DPYD: variants seen among roughly 807,000 people sequenced by gnomAD.
DPYD encodes the protein dihydropyrimidine dehydrogenase [NADP(+)].
Under a neutral mutation model 116.2 loss-of-function variants are expected in DPYD, and 109 were observed. The ratio of observed to expected loss-of-function variants is 0.94; its 90% CI spans 0.80 to 1.10. DPYD has a LOEUF of 1.10. DPYD is among the 50% of genes least tolerant of loss of function. The pLI, the probability that DPYD is intolerant of heterozygous loss-of-function variation, is 0.00. For synonymous variants in DPYD, 440 were observed against 432.0 expected (o/e 1.02, Z -0.23); for missense variants, 1,302 against 1,254.5 (o/e 1.04, Z -0.57).
chr1:97,222,802 A>G (rs1029052874), intron 19 of DPYD, among the ~76,000 whole-genome samples: 2 of 152,130 alleles, frequency 1.3e-5, no homozygotes, highest in African/African-American at 4.8e-5. Flanking sequence ...CATAATGGAA[A>G]GAAAAAATAT....
chr1:97,792,326 T>G lies in DPYD; in HGVS notation c.233+35788A>C, dbSNP rs570885821. Among the ~76,000 whole-genome samples the G allele has an allele frequency of 1.2e-3, 183 of 151,832 alleles. No homozygotes were observed. The Middle Eastern group carries it at 0.024, about 20-fold the overall frequency. ...TCTTGCTCTGCTGCCCAGGCTGGAG[T>G]GCAGTGGTGCAAGCTTGGCTCACTG... On this transcript the variant is annotated intron_variant, in intron 3 of 22. Coordinates refer to ENST00000370192, the MANE Select transcript of DPYD (RefSeq NM_000110.4).
intron 18 of DPYD, among the ~76,000 whole-genome samples, chr1:97,284,255 T>G (rs1210939677): frequency 6.6e-6 from 1 of 152,104 alleles, no homozygotes; most frequent in Non-Finnish European, 1.5e-5. Flanking sequence ...AATGGAACTA[T>G]TTTTAATAGT....
chr1:97,790,404 C>T (rs1667256543), intron 3 of DPYD, among the ~76,000 whole-genome samples: 1 of 151,986 alleles, frequency 6.6e-6, no homozygotes, highest in South Asian at 2.1e-4. Context: ...TGATACAAAG[C>T]CCAGAAGGAT....
intron 13 of DPYD, among the ~76,000 whole-genome samples, chr1:97,485,613 T>A (rs1021264636): frequency 5.4e-5 from 8 of 148,738 alleles, no homozygotes; most frequent in African/African-American, 2.0e-4. Flanking sequence ...AGCTATTTAA[T>A]CAATTCATTG....
At chr1:97,103,029 T>C (rs1040158528) in intron 20 of DPYD, among the ~76,000 whole-genome samples, 2 of 152,054 alleles carry the variant, frequency 1.3e-5, no homozygotes, top group African/African-American at 4.8e-5. Context: ...TGTGGTATAA[T>C]GGTTGAGAGC....
intron 14 of DPYD, among the ~76,000 whole-genome samples, chr1:97,409,027 C>T (rs574725584): frequency 4.6e-5 from 7 of 152,150 alleles, no homozygotes; most frequent in East Asian, 3.9e-4. Flanking sequence ...AGCTTGCAGA[C>T]GGCCTATCAT....
chr1:97,536,665 G>T (rs1447981202), intron 12 of DPYD, among the ~76,000 whole-genome samples: 1 of 152,212 alleles, frequency 6.6e-6, no homozygotes, highest in East Asian at 1.9e-4. Context: ...TGCCTGGCTA[G>T]GAGATTTGCA....
intron 18 of DPYD, among the ~76,000 whole-genome samples, chr1:97,263,018 T>C (rs1447393944): frequency 6.6e-6 from 1 of 152,090 alleles, no homozygotes; most frequent in Non-Finnish European, 1.5e-5. Flanking sequence ...AATGCAAGAC[T>C]TGAGCTGTGT....
intron 14 of DPYD, among the ~76,000 whole-genome samples, chr1:97,388,715 C>T (rs1397829644): frequency 6.6e-6 from 1 of 152,100 alleles, no homozygotes; most frequent in East Asian, 1.9e-4. Context: ...ATACATGAAT[C>T]TCTCTAAAGG....
At chr1:97,727,684 C>T (rs1003040662) in intron 4 of DPYD, among the ~76,000 whole-genome samples, 1 of 151,754 alleles carries the variant, frequency 6.6e-6, no homozygotes, top group Non-Finnish European at 1.5e-5. Flanking sequence ...CTATCTATTA[C>T]AAATAACTTT....
chr1:97,823,521 C>T (rs1412462132), intron 3 of DPYD, among the ~76,000 whole-genome samples: 1 of 152,138 alleles, frequency 6.6e-6, no homozygotes, highest in Non-Finnish European at 1.5e-5. Context: ...CTTCTGGTAA[C>T]CACTATTCTA....
chr1:97,128,261 A>G, intron 20 of DPYD, among the ~76,000 whole-genome samples: 1 of 152,196 alleles, frequency 6.6e-6, no homozygotes, highest in East Asian at 1.9e-4. Context: ...CTATTACAGA[A>G]ACATACATAT....
At chr1:97,615,419 G>A (rs988655177) in intron 8 of DPYD, among the ~76,000 whole-genome samples, 3 of 152,088 alleles carry the variant, frequency 2.0e-5, no homozygotes, top group African/African-American at 7.2e-5. Context: ...TGACCTTCAT[G>A]TAAAACATGA....
chr1:97,238,640 T>C (rs191513779), intron 18 of DPYD, among the ~76,000 whole-genome samples: 274 of 152,286 alleles, frequency 1.8e-3, no homozygotes, highest in African/African-American at 6.4e-3. Context: ...TGAATTACAA[T>C]TATCGAGATA....
At chr1:97,447,086 A>AG (rs1676129175) in intron 14 of DPYD, among the ~76,000 whole-genome samples, 1 of 152,186 alleles carries the variant, frequency 6.6e-6, no homozygotes, top group Non-Finnish European at 1.5e-5. Flanking sequence ...TTCATCAGCC[A>AG]TCTCCTCTGG....
intron 16 of DPYD, among the ~76,000 whole-genome samples, chr1:97,307,405 T>C (rs1667238438): frequency 6.6e-6 from 1 of 151,880 alleles, no homozygotes; most frequent in South Asian, 2.1e-4. Flanking sequence ...CATTTTAACC[T>C]TTCGAATTCC....
chr1:97,910,958 T>G (rs1347843133), intron 1 of DPYD, among the ~76,000 whole-genome samples: 1 of 152,146 alleles, frequency 6.6e-6, no homozygotes, highest in Non-Finnish European at 1.5e-5. Flanking sequence ...TAAAATAATT[T>G]GTTTAAAATA....
intron 13 of DPYD, among the ~76,000 whole-genome samples, chr1:97,491,222 A>C (rs1570827127): frequency 1.4e-5 from 2 of 147,888 alleles, no homozygotes; most frequent in African/African-American, 4.9e-5. Flanking sequence ...ATATATTTGT[A>C]TATTATATAC....
chr1:97,140,932 T>C (rs1041655550), intron 20 of DPYD, among the ~76,000 whole-genome samples: 1 of 152,150 alleles, frequency 6.6e-6, no homozygotes, highest in Non-Finnish European at 1.5e-5. Flanking sequence ...TACTGTTTTT[T>C]CCCAATAATC....
Sources: gnomAD v4.1 joint callset for allele counts (sites outside exome capture counted in the v4.1 genomes callset) on GRCh38, gnomAD v4.1.1 for gene constraint, MANE v1.5 for transcripts, NCBI Gene and HGNC (gene_info 2026-07-23, HGNC 2026-07-21) for gene names.